Variants in NTRK1 observed in about 807,000 individuals in gnomAD.
The protein encoded by NTRK1 is neurotrophic receptor tyrosine kinase 1.
Under a neutral mutation model 86.8 loss-of-function variants are expected in NTRK1, and 62 were observed. The ratio of observed to expected loss-of-function variants is 0.71; its 90% CI spans 0.58 to 0.88. The LOEUF (loss-of-function observed/expected upper bound fraction) is 0.88, where lower values mean the gene tolerates loss of function less well. NTRK1 is among the 40% of genes least tolerant of loss of function. The probability of loss-of-function intolerance (pLI) is 0.00; values close to 1 mark genes in which losing one functional copy is unlikely to be tolerated. For synonymous variants in NTRK1, 469 were observed against 456.6 expected, an observed-to-expected ratio of 1.03 and a Z score of -0.35; for missense variants, 967 against 1,078.4, an observed-to-expected ratio of 0.90 and a Z score of 1.45.
At chr1:156,879,868 A>C in intron 15 of NTRK1, 131 bp from the exon 16 acceptor site, 1 of 1,188,034 alleles carries the variant, frequency 8.4e-7, no homozygotes, top group East Asian at 2.5e-5. Context: ...TCGGCCTCCC[A>C]AAGTGCTGGG....
intron 1 of NTRK1, among the ~76,000 whole-genome samples, chr1:156,825,428 C>T (rs1315111890): frequency 6.6e-6 from 1 of 152,096 alleles, no homozygotes; most frequent in African/African-American, 2.4e-5. Flanking sequence ...CAAGGGAATC[C>T]GAGGAGATCT....
upstream of NTRK1, chr1:156,859,089 A>C (rs1655515370): frequency 6.3e-6 from 1 of 158,296 alleles, no homozygotes; most frequent in Admixed American, 6.0e-5. This position sits in a 1 kb window ranked among gnomAD's most constrained non-coding sequence, Gnocchi z 6.2. Context: ...CCCCAGCGCC[A>C]GCTGACAGTG....
chr1:156,827,044 T>C (rs1571642678), intron 1 of NTRK1, among the ~76,000 whole-genome samples: 1 of 151,678 alleles, frequency 6.6e-6, no homozygotes, highest in East Asian at 1.9e-4. Context: ...AGCTCACTTC[T>C]GGGGGAAAAG....
intron 12 of NTRK1, 38 bp from the exon 13 acceptor site, chr1:156,876,042 A>G (rs2102916860): frequency 6.2e-7 from 1 of 1,614,016 alleles, no homozygotes; most frequent in Non-Finnish European, 8.5e-7. Context: ...AGCCCTCCCA[A>G]GACTGGGGCT....
intron 1 of NTRK1, chr1:156,841,985 AG>A: frequency 6.4e-7 from 1 of 1,555,120 alleles, no homozygotes; most frequent in Non-Finnish European, 8.8e-7. Flanking sequence ...ACTAAGATAC[AG>A]GGTGGGGGTG....
At chr1:156,843,046 G>C in intron 2 of NTRK1, 1 of 1,614,098 alleles carries the variant, frequency 6.2e-7, no homozygotes, top group Non-Finnish European at 8.5e-7. Flanking sequence ...AAGCTTCCTT[G>C]AGGAACTCAA....
chr1:156,836,967 C>T (rs951161764), intron 1 of NTRK1, among the ~76,000 whole-genome samples: 5 of 152,210 alleles, frequency 3.3e-5, no homozygotes, highest in East Asian at 1.9e-4. Context: ...CAGATATCCA[C>T]GCCCAGTGGT....
At chr1:156,823,500 G>A (rs961104752) in intron 1 of NTRK1, among the ~76,000 whole-genome samples, 1 of 152,158 alleles carries the variant, frequency 6.6e-6, no homozygotes, top group East Asian at 1.9e-4. Context: ...TGTGATGTGG[G>A]ATACCATGCT....
intron 2 of NTRK1, chr1:156,845,205 C>T (rs1175158309): frequency 6.2e-7 from 1 of 1,609,552 alleles, no homozygotes; most frequent in Non-Finnish European, 8.5e-7. Context: ...ACCGCTCGCT[C>T]ACGGGGCACC....
intron 13 of NTRK1, 80 bp from the exon 14 acceptor site, chr1:156,876,320 G>A (rs938796972): frequency 9.3e-6 from 15 of 1,608,838 alleles, no homozygotes; most frequent in African/African-American, 5.3e-5. Context: ...GCTGGATACC[G>A]GGGTGGGCGG....
chr1:156,844,642 C>A lies in NTRK1; in HGVS notation c.50+2449C>A. The A allele has an allele frequency of 3.1e-6, 5 of 1,613,902 alleles. No homozygotes were observed. The East Asian group carries it at 1.1e-4, about 36-fold the overall frequency. ...GTGGCCTCCTGAGAGTAACGCAGAACAGCTGGCTGGGAAGGCGATGTAGGC... is the reference window on the plus strand; with the variant it reads ...GTGGCCTCCTGAGAGTAACGCAGAAAAGCTGGCTGGGAAGGCGATGTAGGC... On this transcript the variant is annotated intron_variant, in intron 2 of 16. Coordinates refer to the NTRK1 transcript ENST00000392302.
intron 2 of NTRK1, chr1:156,848,946 T>C: frequency 6.3e-7 from 1 of 1,592,328 alleles, no homozygotes; most frequent in South Asian, 1.1e-5. Context: ...ACGATGAAGC[T>C]GAGCAGGTCG....
At chr1:156,861,793 A>G (rs779577964) in intron 1 of NTRK1, among the ~76,000 whole-genome samples, 32 of 151,944 alleles carry the variant, frequency 2.1e-4, no homozygotes, top group Middle Eastern at 3.4e-3. Flanking sequence ...TTGTCTCTCT[A>G]CCTGGGGCGG....
At chr1:156,849,226 C>T in intron 2 of NTRK1, 1 of 1,612,420 alleles carries the variant, frequency 6.2e-7, no homozygotes, top group African/African-American at 1.3e-5. Flanking sequence ...TGTCCACCGG[C>T]ACTGGGGTTG....
chr1:156,846,525 G>A (rs764836247), intron 2 of NTRK1: 8 of 1,612,768 alleles, frequency 5.0e-6, no homozygotes, highest in Non-Finnish European at 6.8e-6. Context: ...CTACCTGCAG[G>A]CAGCGTTCGG....
chr1:156,852,364 G>A (rs1655255793), intron 2 of NTRK1, among the ~76,000 whole-genome samples: 1 of 152,248 alleles, frequency 6.6e-6, no homozygotes, highest in South Asian at 2.1e-4. Flanking sequence ...GATTCTTGAG[G>A]ACAAGGACTG....
At chr1:156,824,779 C>A (rs1654278128) in intron 1 of NTRK1, among the ~76,000 whole-genome samples, 1 of 152,208 alleles carries the variant, frequency 6.6e-6, no homozygotes, top group Non-Finnish European at 1.5e-5. Flanking sequence ...AGGAGCTCAC[C>A]AAAGACTCCA....
At chr1:156,842,193 G>T (rs1654820812) in exon 2 of NTRK1, 1 of 1,614,078 alleles carries the variant, frequency 6.2e-7, no homozygotes, top group Non-Finnish European at 8.5e-7. Flanking sequence ...TTGGCAGCAA[G>T]GTAGGCCATG....
chr1:156,877,008 A>T (rs1029418992), intron 14 of NTRK1, among the ~76,000 whole-genome samples: 6 of 152,126 alleles, frequency 3.9e-5, no homozygotes, highest in African/African-American at 1.4e-4. Context: ...TTATTTTTTA[A>T]CATGTATTTA....
Sources: allele counts gnomAD v4.1 joint callset (sites outside exome capture counted in the v4.1 genomes callset), GRCh38; gene constraint gnomAD v4.1.1; non-coding constraint Gnocchi (gnomAD v3.1); transcripts MANE v1.5; gene names NCBI Gene and HGNC (gene_info 2026-07-23, HGNC 2026-07-21).